The following AKR1C1 variants were observed in gnomAD, a reference collection of about 807,000 sequenced individuals.
AKR1C1 encodes 20 alpha-hydroxysteroid dehydrogenase.
In AKR1C1, 32 loss-of-function variants were observed where a neutral mutation model predicts 40.6. The ratio of observed to expected loss-of-function variants is 0.79; its 90% confidence interval spans 0.60 to 1.06. The LOEUF (loss-of-function observed/expected upper bound fraction) is 1.06. Among genes scored for constraint, AKR1C1 ranks in the 50% least tolerant of loss-of-function variants. The pLI is 0.00. For missense variants in AKR1C1, 320 were observed against 363.5 expected, an observed-to-expected ratio of 0.88 and a Z score of 0.97; for synonymous variants, 105 against 134.2, an observed-to-expected ratio of 0.78 and a Z score of 1.50.
rs1836364863 is a variant in AKR1C1, at chr10:4,968,498, A to T, written c.447+112A>T. On this transcript the variant is annotated intron_variant, in intron 4 of 8. Coordinates refer to ENST00000380872, the MANE Select transcript of AKR1C1 (RefSeq NM_001353.6). ...GCACCATTGGATCAAAAACTTAGGA[A>T]CTTTACAAAGGTAGTTTTTGTGAGC... 9.4e-6 allele frequency: 14 copies of T among 1,491,620 alleles called. No individual in the cohort carries two copies. In the South Asian group the frequency reaches 1.5e-4, roughly 16 times the overall value. The allele number at this position is 1,491,620 out of a possible 1,614,324, so 92.4% of individuals were successfully genotyped here.
At chr10:4,977,045 G>A (rs1554770556) in intron 8 of AKR1C1, among the ~76,000 whole-genome samples, 1 of 152,112 alleles carries the variant, frequency 6.6e-6, no homozygotes, top group Non-Finnish European at 1.5e-5. Flanking sequence ...GTTTGCTCTT[G>A]GTGTAATCAA....
intron 5 of AKR1C1, 125 bp downstream of exon 5, chr10:4,969,069 C>G: frequency 6.4e-7 from 1 of 1,555,692 alleles, no homozygotes; most frequent in Non-Finnish European, 8.7e-7. Flanking sequence ...AGCAAAGACT[C>G]TGTCTCGAAG....
Position 4,981,127 on chromosome 10 carries a change from G to C in AKR1C1, c.*3385G>C, listed in dbSNP as rs1308337633. The C allele has an allele frequency of 6.6e-6, 1 of 152,186 alleles. No homozygotes were observed. Among genetic ancestry groups the C allele is most frequent in the Non-Finnish European group, 1.5e-5 (1 of 68,022 alleles). 9.4% of individuals were successfully genotyped at this position (152,186 alleles called of 1,614,324 possible). A position where few individuals can be genotyped will look rare whatever the true frequency, so the allele number is the denominator to read the frequency against. On this transcript the variant is annotated 3_prime_UTR_variant, in exon 9 of 9. Transcript: ENST00000380872. ...ATTTCAAAGAACTTTTTCTTTTGCT[G>C]AGCAGTAAGTCTTAACAGTGGGCTT...
In AKR1C1 at chr10:4,963,548, T is replaced by C. The variant is rs771261308; in HGVS notation, c.84+20T>C. On this transcript the variant is annotated intron_variant, in intron 1 of 8. Transcript: ENST00000380872. ...GCAGAGGTAACAATAATATTTTTAG[T>C]GTTGAGAGTTCAAAGGAGCTAGAGT... The C allele has an allele frequency of 1.1e-5, 17 of 1,601,764 alleles. No homozygotes were observed. Among genetic ancestry groups the C allele is most frequent in the Non-Finnish European group, 1.4e-5 (16 of 1,170,994 alleles).
rs1226190109 is a variant in AKR1C1 at position 4,978,645 on chromosome 10, T to G, written c.*903T>G. The G allele has an allele frequency of 1.3e-5, 2 of 152,208 alleles. No homozygotes were observed. Among genetic ancestry groups the G allele is most frequent in the Non-Finnish European group, 2.9e-5 (2 of 68,044 alleles). The allele number at this position is 152,208 out of a possible 1,614,324, so 9.4% of individuals were successfully genotyped here. On this transcript the variant is annotated 3_prime_UTR_variant, in exon 9 of 9. Transcript: ENST00000380872. ...AAAAATGTACTATTAATTTGTGATA[T>G]TCAGTCTTTTAAATATTTTATACAT...
chr10:4,979,000 G>C lies in AKR1C1; in HGVS notation c.*1258G>C, dbSNP rs1836571670. 6.6e-6 allele frequency: 1 copy of C among 152,186 alleles called. No individual in the cohort carries two copies. The highest frequency in any genetic ancestry group is 1.5e-5 in the Non-Finnish European group (1 of 68,034). The allele number at this position is 152,186 out of a possible 1,614,324, so 9.4% of individuals were successfully genotyped here. ...CTTAATGATCAAAGCATTATGAGAAGGACAGTGGTTTTTAACCTGGGCATA... is the reference window on the plus strand; with the variant it reads ...CTTAATGATCAAAGCATTATGAGAACGACAGTGGTTTTTAACCTGGGCATA... On this transcript the variant is annotated 3_prime_UTR_variant, in exon 9 of 9. Transcript: ENST00000380872.
rs111347839 is a variant in AKR1C1, at chr10:4,965,754, C to A, written c.85-160C>A. On this transcript the variant is annotated intron_variant, in intron 1 of 8. Coordinates refer to ENST00000380872, the MANE Select transcript of AKR1C1 (RefSeq NM_001353.6). The stretch of plus-strand genomic sequence containing the variant: ...TGCTGTGCCCAACCTTTATTACTAA[C>A]TGGGAAAGACCCAGGGAGACTGGGA... 1.2e-3 allele frequency: 958 copies of A among 796,874 alleles called. 8 individuals carry two copies. The African/African-American group carries it at 0.015, about 12-fold the overall frequency. The allele number at this position is 796,874 out of a possible 1,614,324, so 49.4% of individuals were successfully genotyped here.
intron 7 of AKR1C1, among the ~76,000 whole-genome samples, chr10:4,973,810 A>G (rs1588563199): frequency 1.3e-5 from 2 of 152,026 alleles, no homozygotes; most frequent in Non-Finnish European, 2.9e-5. Flanking sequence ...AAATTGATAT[A>G]CTATTTCATA....
intron 5 of AKR1C1, among the ~76,000 whole-genome samples, chr10:4,970,439 A>G (rs1180903385): frequency 6.6e-6 from 1 of 152,308 alleles, no homozygotes; most frequent in African/African-American, 2.4e-5. Context: ...TATTACATTG[A>G]CTTAAACCTT....
At chr10:4,966,864 G>C in intron 2 of AKR1C1, 63 bp from the exon 3 acceptor site, 2 of 1,461,036 alleles carry the variant, frequency 1.4e-6, no homozygotes, top group Non-Finnish European at 1.9e-6. Context: ...ATATTAGGTG[G>C]AGCAAACTAG....
At chr10:4,966,895 A>T in intron 2 of AKR1C1, 32 bp from the exon 3 acceptor site, 4 of 1,580,514 alleles carry the variant, frequency 2.5e-6, no homozygotes, top group Non-Finnish European at 3.4e-6. Flanking sequence ...TCAAGTTTTC[A>T]TTACACAACT....
In AKR1C1 at chr10:4,967,005, G is replaced by GT; in HGVS notation, c.333dup (p.Asp112Ter). On this transcript the variant is annotated frameshift_variant, in exon 3 of 9. Transcript: ENST00000380872. LOFTEE classifies it high-confidence loss of function. ...ACTGAAAAATCTTCAATTGGATTAT[G>GT]TTGACCTCTACCTTATTCATTTTCC... The GT allele has an allele frequency of 1.2e-6, 2 of 1,613,894 alleles. No individual in the cohort carries two copies. The highest frequency in any genetic ancestry group is 1.7e-6 in the Non-Finnish European group (2 of 1,179,832).
chr10:4,974,519 A>C (rs1461383112), intron 7 of AKR1C1, among the ~76,000 whole-genome samples: 1 of 152,048 alleles, frequency 6.6e-6, no homozygotes, highest in African/African-American at 2.4e-5. Flanking sequence ...ACAATATATT[A>C]CTGTGTTATC....
At chr10:4,972,371 A>T in intron 6 of AKR1C1, 61 bp downstream of exon 6, 1 of 1,602,356 alleles carries the variant, frequency 6.2e-7, no homozygotes. Flanking sequence ...ATTTAATCAG[A>T]TCATGCTGTT....
intron 7 of AKR1C1, among the ~76,000 whole-genome samples, chr10:4,973,145 G>T (rs1390474141): frequency 1.4e-5 from 2 of 141,172 alleles, no homozygotes; most frequent in Non-Finnish European, 1.5e-5. Flanking sequence ...TTATCTTTGC[G>T]AAGTGCTTGT....
In AKR1C1 at chr10:4,968,688, T is replaced by A. The variant is rs909972988; in HGVS notation, c.448-134T>A. On this transcript the variant is annotated intron_variant, in intron 4 of 8. Transcript: ENST00000380872. ...TTGCAATCACTATCTTCTTCCCCAA[T>A]TTTCTGTTTTATTTTTTCCCTTTTA... 10 of 1,427,044 alleles carry A rather than the reference T, an allele frequency of 7.0e-6. No individual in the cohort carries two copies. In the African/African-American group the frequency reaches 1.1e-4, roughly 16 times the overall value. The allele number at this position is 1,427,044 out of a possible 1,614,324, so 88.4% of individuals were successfully genotyped here. A position where few individuals can be genotyped will look rare whatever the true frequency, so the allele number is the denominator to read the frequency against.
At position 4,982,879 on chromosome 10, in the gene AKR1C1, C is replaced by T. The variant is rs2131657278; in HGVS notation, c.*5137C>T. On this transcript the variant is annotated 3_prime_UTR_variant, in exon 9 of 9. Transcript: ENST00000380872. ...GCTCAGCTGTTACCACTGCGTACCA[C>T]ACCCTGACCAGTCAGAGGTCTTGAG... is the stretch of plus-strand genomic sequence containing the variant. 1 of 431,308 alleles carries T rather than the reference C, an allele frequency of 2.3e-6. No homozygotes were observed. The highest frequency in any genetic ancestry group is 4.7e-6 in the Non-Finnish European group (1 of 214,830). 26.7% of individuals were successfully genotyped at this position (431,308 alleles called of 1,614,324 possible). A position where few individuals can be genotyped will look rare whatever the true frequency, so the allele number is the denominator to read the frequency against.
chr10:4,976,519 GA>G (rs1276957244), intron 8 of AKR1C1, among the ~76,000 whole-genome samples: 1 of 152,254 alleles, frequency 6.6e-6, no homozygotes, highest in East Asian at 1.9e-4. Flanking sequence ...CTGTCTTAGT[GA>G]AGCGAATAGG....
At chr10:4,968,670 C>A in intron 4 of AKR1C1, 152 bp from the exon 5 acceptor site, 1 of 1,365,808 alleles carries the variant, frequency 7.3e-7, no homozygotes, top group Non-Finnish European at 9.9e-7. Flanking sequence ...CTCTTGCAAT[C>A]ACTATCTTCT....
Sources: allele counts gnomAD v4.1 joint callset (sites outside exome capture counted in the v4.1 genomes callset), GRCh38; gene constraint gnomAD v4.1.1; transcripts MANE v1.5; gene names NCBI Gene and HGNC (gene_info 2026-07-23, HGNC 2026-07-21).